Variants in FAM171A1 observed in about 807,000 individuals in gnomAD.
The protein encoded by FAM171A1 is family with sequence similarity 171 member A1, also known as protein FAM171A1.
Under a neutral mutation model 74.9 loss-of-function variants are expected in FAM171A1, and 23 were observed. The observed-to-expected ratio is 0.31, with a 90% CI of 0.22 to 0.44. The LOEUF (loss-of-function observed/expected upper bound fraction) is 0.44, where lower values mean the gene tolerates loss of function less well. Among genes scored for constraint, FAM171A1 ranks in the 20% least tolerant of loss-of-function variants. FAM171A1 has a pLI of 1.00. For synonymous variants in FAM171A1, 527 were observed against 505.7 expected (o/e 1.04, Z -0.57); for missense variants, 1,162 against 1,159.2 (o/e 1.00, Z -0.03).
chr10:15,305,390 T>C (rs544057568), intron 1 of FAM171A1, among the ~76,000 whole-genome samples: 33 of 152,166 alleles, frequency 2.2e-4, no homozygotes, highest in African/African-American at 7.0e-4. Flanking sequence ...AAGAACTGAA[T>C]GGAGGGCTGG....
chr10:15,244,800 C>T (rs1336914668), intron 5 of FAM171A1, among the ~76,000 whole-genome samples: 6 of 152,116 alleles, frequency 3.9e-5, no homozygotes, highest in African/African-American at 1.4e-4. Flanking sequence ...CTGGCACCCG[C>T]ATACCGTGCC....
intron 1 of FAM171A1, among the ~76,000 whole-genome samples, chr10:15,317,072 G>T (rs918978978): frequency 6.6e-6 from 1 of 152,030 alleles, no homozygotes; most frequent in Non-Finnish European, 1.5e-5. Flanking sequence ...TCACAAGGTG[G>T]CAACAGTTGT....
At chr10:15,366,765 T>C (rs1356647612) in intron 1 of FAM171A1, among the ~76,000 whole-genome samples, 2 of 152,272 alleles carry the variant, frequency 1.3e-5, no homozygotes, top group Non-Finnish European at 2.9e-5. Context: ...CCATATGTTT[T>C]CTTGGTAAGC....
chr10:15,246,705 T>A (rs1834439372), intron 5 of FAM171A1, among the ~76,000 whole-genome samples: 1 of 152,196 alleles, frequency 6.6e-6, no homozygotes, highest in Admixed American at 6.5e-5. Flanking sequence ...GTATTTTTAG[T>A]AGAGATAGGG....
At chr10:15,248,314 C>A (rs1377605827) in intron 5 of FAM171A1, among the ~76,000 whole-genome samples, 2 of 151,414 alleles carry the variant, frequency 1.3e-5, no homozygotes, top group African/African-American at 4.8e-5. Flanking sequence ...CCAAGAGCAA[C>A]CATATGACCT....
chr10:15,220,713 C>T (rs1490191486), intron 6 of FAM171A1, among the ~76,000 whole-genome samples: 2 of 152,280 alleles, frequency 1.3e-5, no homozygotes, highest in East Asian at 3.9e-4. Flanking sequence ...AAAACAGCCA[C>T]TCAAGACTAT....
chr10:15,236,184 G>A (rs1420029190), intron 5 of FAM171A1, among the ~76,000 whole-genome samples: 1 of 152,034 alleles, frequency 6.6e-6, no homozygotes, highest in Non-Finnish European at 1.5e-5. Context: ...CAGACTGGAT[G>A]GCAGGGCCAT....
intron 5 of FAM171A1, among the ~76,000 whole-genome samples, chr10:15,238,181 T>C (rs1834318949): frequency 6.6e-6 from 1 of 152,224 alleles, no homozygotes; most frequent in African/African-American, 2.4e-5. Flanking sequence ...ACCTCAGTAT[T>C]CCAATCTGGG....
chr10:15,273,412 C>G (rs75956992), intron 3 of FAM171A1, among the ~76,000 whole-genome samples: 2 of 152,158 alleles, frequency 1.3e-5, no homozygotes, highest in African/African-American at 4.8e-5. Flanking sequence ...AGCCTACCAA[C>G]CAAAGAAAGT....
intron 3 of FAM171A1, among the ~76,000 whole-genome samples, chr10:15,267,825 G>T (rs549338655): frequency 2.8e-4 from 43 of 152,168 alleles, no homozygotes; most frequent in Non-Finnish European, 5.4e-4. Context: ...GGACAGCCAC[G>T]ACGGACGAAG....
At chr10:15,365,027 T>A (rs368421341) in intron 1 of FAM171A1, among the ~76,000 whole-genome samples, 1 of 152,286 alleles carries the variant, frequency 6.6e-6, no homozygotes, top group Non-Finnish European at 1.5e-5. Context: ...GGGATCAGAA[T>A]ATGGACATTC....
At chr10:15,362,677 G>A (rs1214213481) in intron 1 of FAM171A1, among the ~76,000 whole-genome samples, 2 of 152,180 alleles carry the variant, frequency 1.3e-5, no homozygotes, top group Non-Finnish European at 1.5e-5. Context: ...TGAGCTGAGA[G>A]GGTGCCACTG....
intron 5 of FAM171A1, among the ~76,000 whole-genome samples, chr10:15,244,287 G>A (rs1465938746): frequency 1.3e-5 from 2 of 152,142 alleles, no homozygotes; most frequent in South Asian, 2.1e-4. Flanking sequence ...CCTGGGAGGC[G>A]GAGGTTGTAG....
At position 15,223,386 on chromosome 10, in the gene FAM171A1, T is replaced by C. The variant is rs1834064291; in HGVS notation, c.755-2326A>G. 1.3e-5 allele frequency among the ~76,000 whole-genome samples: 2 copies of C among 152,174 alleles called. 1 individual carries two copies. Among genetic ancestry groups the C allele is most frequent in the South Asian group, 4.1e-4 (2 of 4,824 alleles). On this transcript the variant is annotated intron_variant, in intron 5 of 7. Coordinates refer to ENST00000378116, the MANE Select transcript of FAM171A1 (RefSeq NM_001010924.2). ...GCATCAGCCAGGAAAGGGCTGTGCA[T>C]TCTTTGGTTTGCTGTTTTCCCCACA...
chr10:15,234,702 A>T (rs549578666), intron 5 of FAM171A1, among the ~76,000 whole-genome samples: 1 of 151,140 alleles, frequency 6.6e-6, no homozygotes, highest in East Asian at 2.0e-4. Context: ...GCCCAGGCTG[A>T]AGTGCAGTGG....
At position 15,362,993 on chromosome 10, in the gene FAM171A1, A is replaced by G. The variant is rs78662904; in HGVS notation, c.97+7963T>C. ...CCGACAGACCACCTCTTTTTGTCCA[A>G]TAAGTATTTAGCACACTGTCTTCAT... is the stretch of plus-strand genomic sequence containing the variant. On this transcript the variant is annotated intron_variant, in intron 1 of 7. Coordinates refer to ENST00000378116, the MANE Select transcript of FAM171A1 (RefSeq NM_001010924.2). Among the ~76,000 whole-genome samples, 648 of 152,362 alleles carry G rather than the reference A, an allele frequency of 4.3e-3. 5 individuals are homozygous for G. The highest frequency in any genetic ancestry group is 0.015 in the African/African-American group (625 of 41,586).
intron 1 of FAM171A1, among the ~76,000 whole-genome samples, chr10:15,369,206 T>C (rs1388249464): frequency 1.3e-5 from 2 of 148,208 alleles, no homozygotes; most frequent in African/African-American, 4.9e-5. Flanking sequence ...CTGTTATATA[T>C]ATATTGAATA....
chr10:15,296,855 G>T (rs1588539319), intron 1 of FAM171A1, among the ~76,000 whole-genome samples: 1 of 149,146 alleles, frequency 6.7e-6, no homozygotes, highest in South Asian at 2.2e-4. Flanking sequence ...CTGGAACTTA[G>T]AGTACCACTG....
intron 1 of FAM171A1, among the ~76,000 whole-genome samples, chr10:15,331,862 T>TACATATAC (rs1483625177): frequency 1.7e-4 from 17 of 99,570 alleles, no homozygotes; most frequent in African/African-American, 7.9e-4. Context: ...TATGTGTGTA[T>TACATATAC]ATATATGTGT....
Sources: allele counts gnomAD v4.1 joint callset (sites outside exome capture counted in the v4.1 genomes callset), GRCh38; gene constraint gnomAD v4.1.1; transcripts MANE v1.5; gene names NCBI Gene and HGNC (gene_info 2026-07-23, HGNC 2026-07-21).